The following HS2ST1 variants were observed in gnomAD, a reference collection of about 807,000 sequenced individuals.
HS2ST1 encodes the protein heparan sulfate 2-O-sulfotransferase 1, also known as 2-O-sulfotransferase.
Under a neutral mutation model 42.9 loss-of-function variants are expected in HS2ST1, and 18 were observed. The observed-to-expected ratio is 0.42, with a 90% CI of 0.29 to 0.62. HS2ST1 has a LOEUF of 0.62. Ranked by LOEUF, HS2ST1 falls within the 20% of genes least tolerant of loss-of-function variation. The probability of loss-of-function intolerance (pLI) is 0.21; values close to 1 mark genes in which losing one functional copy is unlikely to be tolerated. For synonymous variants in HS2ST1, 146 were observed against 152.9 expected (o/e 0.95, Z 0.33); for missense variants, 334 against 433.8 (o/e 0.77, Z 2.04).
At chr1:87,086,212 A>G (rs910829413) in intron 3 of HS2ST1, among the ~76,000 whole-genome samples, 1 of 152,104 alleles carries the variant, frequency 6.6e-6, no homozygotes, top group Admixed American at 6.6e-5. Flanking sequence ...TGTCCAGGGT[A>G]TTGGTTCTCG....
In HS2ST1 at chr1:87,091,643, T is replaced by C. The variant is rs553341743; in HGVS notation, c.450-888T>C. Among the ~76,000 whole-genome samples the C allele has an allele frequency of 2.0e-5, 3 of 151,678 alleles. No homozygotes were observed. In the South Asian group the frequency reaches 6.3e-4, roughly 32 times the overall value. On this transcript the variant is annotated intron_variant, in intron 3 of 6. Coordinates refer to ENST00000370550, the MANE Select transcript of HS2ST1 (RefSeq NM_012262.4). The stretch of plus-strand genomic sequence containing the variant: ...AAAGGGAAGTGGTAAAGAGAAAGAA[T>C]GATGAAGACAGGTCACATCTGCGAG...
At position 87,098,111 on chromosome 1, in the gene HS2ST1, C is replaced by T. The variant is rs1225930997; in HGVS notation, c.686+176C>T. ...TTTTAAATGCATTTAAAAGATTCCT[C>T]ATGTAGAGTGATATCCTAATATCCT... On this transcript the variant is annotated intron_variant, in intron 5 of 6. Coordinates refer to ENST00000370550, the MANE Select transcript of HS2ST1 (RefSeq NM_012262.4). 4.4e-6 allele frequency: 6 copies of T among 1,373,494 alleles called. No individual in the cohort carries two copies. In the East Asian group the frequency reaches 1.7e-4, roughly 39 times the overall value. The allele number at this position is 1,373,494 out of a possible 1,614,324, so 85.1% of individuals were successfully genotyped here. A position where few individuals can be genotyped will look rare whatever the true frequency, so the allele number is the denominator to read the frequency against.
chr1:86,921,946 C>G (rs1455991749), intron 1 of HS2ST1, among the ~76,000 whole-genome samples: 1 of 152,132 alleles, frequency 6.6e-6, no homozygotes, highest in Non-Finnish European at 1.5e-5. Context: ...TAGACAGCAT[C>G]TAATCTTTCA....
At chr1:87,053,145 C>A (rs1021681419) in intron 1 of HS2ST1, among the ~76,000 whole-genome samples, 1 of 152,188 alleles carries the variant, frequency 6.6e-6, no homozygotes, top group African/African-American at 2.4e-5. Context: ...TAATGATACC[C>A]AAACCCAGCT....
chr1:86,961,520 C>G (rs1647843654), intron 1 of HS2ST1, among the ~76,000 whole-genome samples: 1 of 152,056 alleles, frequency 6.6e-6, no homozygotes, highest in African/African-American at 2.4e-5. Context: ...TATTTCCCAT[C>G]ATCATGGTGG....
intron 1 of HS2ST1, among the ~76,000 whole-genome samples, chr1:86,977,841 T>G (rs575495193): frequency 1.3e-5 from 2 of 152,300 alleles, no homozygotes; most frequent in Admixed American, 6.5e-5. Flanking sequence ...ACGGAGAACA[T>G]GAGAAGTTAA....
chr1:87,015,871 C>T (rs112486052), intron 1 of HS2ST1, among the ~76,000 whole-genome samples: 1 of 151,720 alleles, frequency 6.6e-6, no homozygotes, highest in Non-Finnish European at 1.5e-5. Context: ...GGCTAGAGTA[C>T]AGTGGTGCCA....
rs761783062 is a variant in HS2ST1 at position 86,982,777 on chromosome 1, G to A, written c.124+67617G>A. 3.1e-4 allele frequency among the ~76,000 whole-genome samples: 47 copies of A among 152,174 alleles called. 1 individual carries two copies. The highest frequency in any genetic ancestry group is 1.6e-4 in the Non-Finnish European group (11 of 68,040). On this transcript the variant is annotated intron_variant, in intron 1 of 6. Coordinates refer to ENST00000370550, the MANE Select transcript of HS2ST1 (RefSeq NM_012262.4). ...GATCCTCCCACCTCGGCCTCCCAAA[G>A]TGCTGGGATTACAGGCTTGAGCCAC...
intron 1 of HS2ST1, among the ~76,000 whole-genome samples, chr1:86,918,327 AC>A (rs1660212359): frequency 6.6e-6 from 1 of 152,148 alleles, no homozygotes; most frequent in African/African-American, 2.4e-5. Context: ...AATGTTATAC[AC>A]ATCTTTCCAG....
At position 87,067,650 on chromosome 1, in the gene HS2ST1, A is replaced by G. The variant is rs548098901; in HGVS notation, c.125-5284A>G. Among the ~76,000 whole-genome samples the G allele has an allele frequency of 2.3e-4, 35 of 152,266 alleles. No homozygotes were observed. The South Asian group carries it at 4.6e-3, about 20-fold the overall frequency. Reference sequence around the variant, plus strand: ...AGTCATGAAGTCTTTGCCCATGCCTATGTCCTGAATGGTGTTGCCTAGGTT... The same window carrying G: ...AGTCATGAAGTCTTTGCCCATGCCTGTGTCCTGAATGGTGTTGCCTAGGTT... On this transcript the variant is annotated intron_variant, in intron 1 of 6. Coordinates refer to ENST00000370550, the MANE Select transcript of HS2ST1 (RefSeq NM_012262.4).
At chr1:87,052,962 A>G (rs1650873074) in intron 1 of HS2ST1, among the ~76,000 whole-genome samples, 1 of 152,162 alleles carries the variant, frequency 6.6e-6, no homozygotes, top group African/African-American at 2.4e-5. Context: ...TAGCTAGGGA[A>G]TGTGGGAAGG....
intron 1 of HS2ST1, among the ~76,000 whole-genome samples, chr1:87,025,440 T>TG (rs1650059372): frequency 6.6e-6 from 1 of 152,122 alleles, no homozygotes; most frequent in African/African-American, 2.4e-5. Flanking sequence ...AGATGGCAAA[T>TG]GGGAAATACA....
rs78210356 is a variant in HS2ST1 at position 86,971,827 on chromosome 1, T to G, written c.124+56667T>G. Reference sequence around the variant, plus strand: ...TTCTGACCGAGGTTGAAGTCTTCATTCTTGAAAGAAAAAAAAAATGCAAAA... The same window carrying G: ...TTCTGACCGAGGTTGAAGTCTTCATGCTTGAAAGAAAAAAAAAATGCAAAA... On this transcript the variant is annotated intron_variant, in intron 1 of 6. Coordinates refer to ENST00000370550, the MANE Select transcript of HS2ST1 (RefSeq NM_012262.4). Among the ~76,000 whole-genome samples the G allele has an allele frequency of 8.8e-3, 1,345 of 152,248 alleles. 12 individuals carry two copies. Among genetic ancestry groups the G allele is most frequent in the Non-Finnish European group, 0.015 (1,017 of 67,996 alleles).
At chr1:87,012,370 G>A (rs963643331) in intron 1 of HS2ST1, among the ~76,000 whole-genome samples, 5 of 152,142 alleles carry the variant, frequency 3.3e-5, no homozygotes, top group African/African-American at 1.2e-4. Context: ...ATGGTAGCAA[G>A]CAAGAGAGCT....
At chr1:87,052,760 G>A (rs956161801) in intron 1 of HS2ST1, among the ~76,000 whole-genome samples, 2 of 152,168 alleles carry the variant, frequency 1.3e-5, no homozygotes, top group African/African-American at 2.4e-5. Flanking sequence ...GTTTTTCACA[G>A]ATCTAAGGTA....
intron 2 of HS2ST1, among the ~76,000 whole-genome samples, chr1:87,081,737 C>T (rs1266256112): frequency 6.6e-6 from 1 of 151,926 alleles, no homozygotes; most frequent in Non-Finnish European, 1.5e-5. Flanking sequence ...TGAGTAATCT[C>T]AGCATTTTGG....
intron 5 of HS2ST1, among the ~76,000 whole-genome samples, chr1:87,098,660 A>G (rs2100654771): frequency 6.6e-6 from 1 of 152,386 alleles, no homozygotes; most frequent in South Asian, 2.1e-4. Context: ...TCAAAGCCTC[A>G]TAATAGTATA....
At chr1:87,018,572 A>C (rs1649830988) in intron 1 of HS2ST1, among the ~76,000 whole-genome samples, 1 of 152,182 alleles carries the variant, frequency 6.6e-6, no homozygotes, top group Non-Finnish European at 1.5e-5. Flanking sequence ...GAGTGCTTCC[A>C]GTGAGACACC....
intron 1 of HS2ST1, among the ~76,000 whole-genome samples, chr1:87,059,234 A>G (rs1191099517): frequency 1.3e-5 from 2 of 152,120 alleles, no homozygotes; most frequent in Non-Finnish European, 2.9e-5. Flanking sequence ...TTATGCTAGT[A>G]TATTTGTTGT....
Sources: allele counts gnomAD v4.1 joint callset (sites outside exome capture counted in the v4.1 genomes callset), GRCh38; gene constraint gnomAD v4.1.1; transcripts MANE v1.5; gene names NCBI Gene and HGNC (gene_info 2026-07-23, HGNC 2026-07-21).